The following WDR87 variants were observed in gnomAD, a reference collection of about 807,000 sequenced individuals.
WDR87 encodes WD repeat domain 87.
WDR87 carries 56 observed loss-of-function variants against 83.3 expected under a neutral mutation model. The ratio of observed to expected loss-of-function variants is 0.67; its 90% confidence interval spans 0.54 to 0.84. The LOEUF is 0.84. Ranked by LOEUF, WDR87 falls within the 40% of genes least tolerant of loss-of-function variation. The pLI, the probability that WDR87 is intolerant of heterozygous loss-of-function variation, is 0.00. For missense variants in WDR87, 2,939 were observed against 3,431.9 expected, an observed-to-expected ratio of 0.86 and a Z score of 3.59; for synonymous variants, 1,173 against 1,250.6, an observed-to-expected ratio of 0.94 and a Z score of 1.31.
At position 37,886,214 on chromosome 19, in the gene WDR87, G is replaced by T. The variant is rs1568447981; in HGVS notation, c.7457C>A (p.Pro2486His). ...REVMGKYEPIPPHVLGTVLES... is the reference protein window; with the variant it reads ...REVMGKYEPIHPHVLGTVLES... ...CAAAACTGTACCCAAAACATGTGGA[G>T]GTATGGGTTCATATTTTCCCATCAC... The change falls in exon 6 of 6, where the codon CCT (proline) becomes CAT (histidine). Residue 2486 changes from proline (P) to histidine (H), a missense_variant. By Grantham distance (77) the Pro-to-His change is moderately conservative. Transcript: ENST00000447313. 3 of 1,551,656 alleles carry T rather than the reference G, an allele frequency of 1.9e-6. No individual in the cohort carries two copies.
chr19:37,903,788 C>A (rs892764212), intron 1 of WDR87, among the ~76,000 whole-genome samples: 1 of 152,158 alleles, frequency 6.6e-6, no homozygotes, highest in African/African-American at 2.4e-5. Flanking sequence ...CCTCAGCCTC[C>A]CAAAGTGTTG....
In WDR87 at chr19:37,892,988, G is replaced by T; in HGVS notation, c.2715C>A (p.Asn905Lys). The T allele has an allele frequency of 6.4e-7, 1 of 1,551,838 alleles. No individual in the cohort carries two copies. The highest frequency in any genetic ancestry group is 1.4e-5 in the African/African-American group (1 of 73,162). ...VTYSVLTDGA[N>K]RSWLGRKMSE... Reference sequence around the variant, plus strand: ...TCATCTTTCTTCCCAGCCAACTTCGGTTTGCTCCATCTGTAAGGACACTGT... The same window carrying T: ...TCATCTTTCTTCCCAGCCAACTTCGTTTTGCTCCATCTGTAAGGACACTGT... The change falls in exon 4 of 6, where the codon AAC becomes AAA. Residue 905 changes from asparagine to lysine, a missense_variant. Asn to Lys is a moderately conservative substitution (Grantham distance 94). Around this residue, in one of 3 missense-constraint regions of WDR87, gnomAD observed 2,160 missense variants for 2,533.1 expected, o/e 0.85. Transcript: ENST00000447313.
chr19:37,893,935 A>G lies in WDR87; in HGVS notation c.1768T>C (p.Ser590Pro). The G allele has an allele frequency of 6.4e-7, 1 of 1,551,894 alleles. No individual in the cohort carries two copies. The highest frequency in any genetic ancestry group is 8.7e-7 in the Non-Finnish European group (1 of 1,147,030). Reference protein sequence around the residue: ...RLWKFHDFLSSGSQNGLKFIE... With the variant: ...RLWKFHDFLSPGSQNGLKFIE... ...AATTTCAAGCCATTCTGTGACCCAG[A>G]GGACAGAAAATCATGGAACTTCCAG... is the stretch of plus-strand genomic sequence containing the variant. Residue 590 changes from serine to proline, a missense_variant, in exon 4 of 6, where the codon TCT (serine) becomes CCT (proline). Transcript: ENST00000447313.
intron 1 of WDR87, among the ~76,000 whole-genome samples, chr19:37,904,398 G>A (rs1485619774): frequency 6.8e-6 from 1 of 146,350 alleles, no homozygotes; most frequent in African/African-American, 2.5e-5. Flanking sequence ...TCTGTCTGTC[G>A]CCCAGGCTGG....
At chr19:37,896,374 A>T in intron 2 of WDR87, 66 bp from the exon 3 acceptor site, 1 of 1,506,568 alleles carries the variant, frequency 6.6e-7, no homozygotes, top group Non-Finnish European at 8.9e-7. Context: ...TTCTCGCACA[A>T]GTCACAGTTG....
In WDR87 at chr19:37,885,061, G is replaced by C; in HGVS notation, c.8610C>G (p.Asn2870Lys). Residue 2870 changes from asparagine (N) to lysine (K), a missense_variant, in exon 6 of 6, where the codon AAC becomes AAG. Around this residue, in one of 3 missense-constraint regions of WDR87, gnomAD observed 2,160 missense variants for 2,533.1 expected, o/e 0.85. Coordinates refer to ENST00000447313, the MANE Select transcript of WDR87 (RefSeq NM_001291088.2). ...FQGAVPLPWQ[N>K]CVRTILPVGI... ...CCACGGGAAGGATGGTGCGCACACA[G>C]TTCTGCCATGGGAGGGGTACCGCAC... 6.8e-7 allele frequency: 1 copy of C among 1,471,690 alleles called. No individual in the cohort carries two copies. The highest frequency in any genetic ancestry group is 9.0e-7 in the Non-Finnish European group (1 of 1,110,176). 91.2% of individuals were successfully genotyped at this position (1,471,690 alleles called of 1,614,324 possible).
intron 1 of WDR87, among the ~76,000 whole-genome samples, chr19:37,901,301 G>C (rs576532247): frequency 6.6e-6 from 1 of 152,148 alleles, no homozygotes; most frequent in African/African-American, 2.4e-5. Context: ...CATGGTGGCG[G>C]GCGCCTGTAA....
intron 1 of WDR87, among the ~76,000 whole-genome samples, chr19:37,906,135 A>G (rs2046326502): frequency 6.6e-6 from 1 of 152,232 alleles, no homozygotes; most frequent in African/African-American, 2.4e-5. Flanking sequence ...TTGCAATTCC[A>G]GTCAATTCCC....
chr19:37,894,727 C>G lies in WDR87; in HGVS notation c.976G>C (p.Glu326Gln), dbSNP rs2046239031. 1 of 1,551,586 alleles carries G rather than the reference C, an allele frequency of 6.4e-7. No individual in the cohort carries two copies. Among genetic ancestry groups the G allele is most frequent in the South Asian group, 1.2e-5 (1 of 84,060 alleles). Residue 326 changes from glutamate (E) to glutamine (Q), a missense_variant, in exon 4 of 6, where the codon GAG (glutamate) becomes CAG (glutamine). By Grantham distance (29) the Glu-to-Gln change is conservative (BLOSUM62 2). Coordinates refer to ENST00000447313, the MANE Select transcript of WDR87 (RefSeq NM_001291088.2). ...SLLRRLELGEELYRLQFIDSI... is the reference protein window; with the variant it reads ...SLLRRLELGEQLYRLQFIDSI... ...TCAATAAACTGGAGCCGGTATAGCT[C>G]CTCACCAAGCTCTAGCCGCCGAAGC...
chr19:37,904,556 C>T (rs1011563653), intron 1 of WDR87, among the ~76,000 whole-genome samples: 4 of 151,812 alleles, frequency 2.6e-5, no homozygotes, highest in African/African-American at 7.3e-5. Flanking sequence ...GATGTGGTTT[C>T]GCCATTTTGG....
chr19:37,885,331 C>G lies in WDR87; in HGVS notation c.8340G>C (p.Gln2780His), dbSNP rs1199442251. 18 of 1,551,544 alleles carry G rather than the reference C, an allele frequency of 1.2e-5. No individual in the cohort carries two copies. The highest frequency in any genetic ancestry group is 1.6e-5 in the Non-Finnish European group (18 of 1,146,984). The part of the protein sequence containing the change: ...ALYHVLRMLQ[Q>H]RYPKDSTAWM... ...AAGCAGTGCTGTCTTTTGGATATCG[C>G]TGCTGCAGCATCCGCAAAACATGGT... is the stretch of plus-strand genomic sequence containing the variant. Residue 2780 changes from glutamine (Q) to histidine (H), a missense_variant, in exon 6 of 6, where the codon CAG becomes CAC. By Grantham distance (24) the Gln-to-His change is conservative (BLOSUM62 0). Transcript: ENST00000447313.
rs1257281631 is a variant in WDR87, at chr19:37,887,891, A to G, written c.5780T>C (p.Leu1927Pro). The change falls in exon 6 of 6, where the codon CTG (leucine) becomes CCG (proline). Residue 1927 changes from leucine (L) to proline (P), a missense_variant. Leu to Pro is a moderately conservative substitution (Grantham distance 98). Coordinates refer to ENST00000447313, the MANE Select transcript of WDR87 (RefSeq NM_001291088.2). ...KNKLGMFNKI[L>P]AQVEEKLTQE... The stretch of plus-strand genomic sequence containing the variant: ...TGTCAGCTTCTCCTCTACCTGAGCC[A>G]GTATCTTGTTGAACATTCCCAATTT... 3.2e-6 allele frequency: 5 copies of G among 1,551,492 alleles called. No individual in the cohort carries two copies. The highest frequency in any genetic ancestry group is 4.4e-6 in the Non-Finnish European group (5 of 1,146,966).
chr19:37,890,607 T>G (rs1478557454), intron 5 of WDR87, among the ~76,000 whole-genome samples: 1 of 152,152 alleles, frequency 6.6e-6, no homozygotes, highest in Non-Finnish European at 1.5e-5. Flanking sequence ...TTGATGAGTT[T>G]GAAAAATGTA....
In WDR87 at chr19:37,889,140, C is replaced by T. The variant is rs564224795; in HGVS notation, c.4531G>A (p.Gly1511Ser). The T allele has an allele frequency of 6.4e-7, 1 of 1,552,224 alleles. No individual in the cohort carries two copies. The highest frequency in any genetic ancestry group is 8.7e-7 in the Non-Finnish European group (1 of 1,147,152). Residue 1511 changes from glycine (G) to serine (S), a missense_variant, in exon 6 of 6, where the codon GGT becomes AGT. This residue lies in a region of WDR87 where 2,160 missense variants were observed against 2,533.1 expected (regional missense o/e 0.85). Transcript: ENST00000447313. Reference protein sequence around the residue: ...KAWDEWKQVHGETRKSWKAWK... With the variant: ...KAWDEWKQVHSETRKSWKAWK... ...GCCTTCCAGGATTTCCTTGTCTCACCATGGACCTGTTTCCACTCATCCCAG... is the reference window on the plus strand; with the variant it reads ...GCCTTCCAGGATTTCCTTGTCTCACTATGGACCTGTTTCCACTCATCCCAG...
rs1208854466 is a variant in WDR87, at chr19:37,889,666, T to C, written c.4005A>G (p.Lys1335=). The change falls in exon 6 of 6, where the codon AAA becomes AAG. Residue 1335 remains lysine, a synonymous_variant. Transcript: ENST00000447313. ...LFQEICPLLK[K]ESKVLLEDLD... is the part of the protein sequence containing the mutation. The stretch of plus-strand genomic sequence containing the variant: ...GGTCCTCAAGCAGAACCTTACTTTC[T>C]TTCTTCAATAGGGGGCAGATCTCCT... The C allele has an allele frequency of 1.2e-5, 18 of 1,551,736 alleles. No homozygotes were observed. The Admixed American group carries it at 3.3e-4, about 29-fold the overall frequency.
chr19:37,889,194 T>C lies in WDR87; in HGVS notation c.4477A>G (p.Thr1493Ala). 1 of 1,552,230 alleles carries C rather than the reference T, an allele frequency of 6.4e-7. No individual in the cohort carries two copies. Among genetic ancestry groups the C allele is most frequent in the African/African-American group, 1.4e-5 (1 of 73,122 alleles). The change falls in exon 6 of 6, where the codon ACA (threonine) becomes GCA (alanine). Residue 1493 changes from threonine to alanine, a missense_variant. Coordinates refer to ENST00000447313, the MANE Select transcript of WDR87 (RefSeq NM_001291088.2). The part of the protein sequence containing the change: ...QEGKLVMIER[T>A]PSWQDWKKAW... ...TTTTTCCAGTCCTGCCAAGATGGTG[T>C]CCTCTCAATCATAACCAGTTTTCCT...
At position 37,890,263 on chromosome 19, in the gene WDR87, C is replaced by A; in HGVS notation, c.3408G>T (p.Leu1136Phe). 6.5e-7 allele frequency: 1 copy of A among 1,527,830 alleles called. No homozygotes were observed. The highest frequency in any genetic ancestry group is 2.5e-5 in the East Asian group (1 of 40,472). The allele number at this position is 1,527,830 out of a possible 1,614,324, so 94.6% of individuals were successfully genotyped here. A position where few individuals can be genotyped will look rare whatever the true frequency, so the allele number is the denominator to read the frequency against. Residue 1136 changes from leucine to phenylalanine, a missense_variant, in exon 6 of 6, where the codon TTG (leucine) becomes TTT (phenylalanine). Physicochemically the swap from Leu to Phe is conservative, Grantham distance 22. Transcript: ENST00000447313. ...TCTCTTTCGTCTTCTTGAGACCCCG[C>A]AACCATTTTTGGCCTGCAGTAAAAA... ...AGVKKHSQKW[L>F]RGLKKTKERD...
Position 37,894,730 on chromosome 19 carries a change from C to T in WDR87, c.973G>A (p.Glu325Lys). Residue 325 changes from glutamate to lysine, a missense_variant, in exon 4 of 6, where the codon GAG becomes AAG. By Grantham distance (56) the Glu-to-Lys change is moderately conservative. Around this residue, in one of 3 missense-constraint regions of WDR87, gnomAD observed 553 missense variants for 577.9 expected, o/e 0.96. Coordinates refer to ENST00000447313, the MANE Select transcript of WDR87 (RefSeq NM_001291088.2). ...GSLLRRLELG[E>K]ELYRLQFIDS... ...ATAAACTGGAGCCGGTATAGCTCCTCACCAAGCTCTAGCCGCCGAAGCAGG... is the reference window on the plus strand; with the variant it reads ...ATAAACTGGAGCCGGTATAGCTCCTTACCAAGCTCTAGCCGCCGAAGCAGG... 1 of 1,551,742 alleles carries T rather than the reference C, an allele frequency of 6.4e-7. No homozygotes were observed. Among genetic ancestry groups the T allele is most frequent in the African/African-American group, 1.4e-5 (1 of 73,174 alleles).
In WDR87 at chr19:37,884,924, G is replaced by C; in HGVS notation, c.*8C>G. 7.7e-7 allele frequency: 1 copy of C among 1,290,970 alleles called. No homozygotes were observed. The highest frequency in any genetic ancestry group is 9.9e-7 in the Non-Finnish European group (1 of 1,012,202). 80.0% of individuals were successfully genotyped at this position (1,290,970 alleles called of 1,614,324 possible). On this transcript the variant is annotated 3_prime_UTR_variant, in exon 6 of 6. Transcript: ENST00000447313. ...AATGAAAAGTCCCAGCCTCCAGTCA[G>C]TCCCAAATTAGAGAGTGGGAGCAAC...
Sources: allele counts gnomAD v4.1 joint callset (sites outside exome capture counted in the v4.1 genomes callset), GRCh38; gene constraint gnomAD v4.1.1; regional missense constraint gnomAD v4.1.1; transcripts MANE v1.5; gene names NCBI Gene and HGNC (gene_info 2026-07-23, HGNC 2026-07-21).